The following RALGAPA1 variants were observed in gnomAD, a reference collection of about 807,000 sequenced individuals.
RALGAPA1 encodes ral GTPase-activating protein subunit alpha-1.
In RALGAPA1, 52 loss-of-function variants were observed where a neutral mutation model predicts 269.6. The observed-to-expected ratio is 0.19, with a 90% CI of 0.15 to 0.24. The LOEUF (loss-of-function observed/expected upper bound fraction) is 0.24, where lower values mean the gene tolerates loss of function less well. RALGAPA1 is among the 10% of genes least tolerant of loss of function. RALGAPA1 has a pLI of 1.00. For synonymous variants in RALGAPA1, 817 were observed against 1,008.3 expected, an observed-to-expected ratio of 0.81 and a Z score of 3.60; for missense variants, 1,917 against 3,013.9, an observed-to-expected ratio of 0.64 and a Z score of 8.52.
chr14:35,761,271 T>C (rs1159248514), intron 5 of RALGAPA1, among the ~76,000 whole-genome samples: 1 of 152,198 alleles, frequency 6.6e-6, no homozygotes, highest in Non-Finnish European at 1.5e-5. Context: ...AAGTTCCATT[T>C]ATAAAAATTA....
intron 36 of RALGAPA1, 70 bp downstream of exon 36, chr14:35,605,516 G>A (rs2059544976): frequency 4.2e-6 from 6 of 1,440,886 alleles, no homozygotes; most frequent in Non-Finnish European, 5.6e-6. Flanking sequence ...TCTATAATAA[G>A]CTAGGAAAAA....
chr14:35,698,118 C>G (rs2067042592), intron 17 of RALGAPA1, among the ~76,000 whole-genome samples: 1 of 152,062 alleles, frequency 6.6e-6, no homozygotes, highest in Non-Finnish European at 1.5e-5. Context: ...CCATCTAAAT[C>G]TTTAAATTTA....
At chr14:35,672,828 A>G (rs775299215) in intron 25 of RALGAPA1, 39 bp downstream of exon 25, 14 of 1,442,846 alleles carry the variant, frequency 9.7e-6, no homozygotes, top group Non-Finnish European at 9.2e-7. Context: ...ATAATATGAT[A>G]TAAACTACTT....
chr14:35,717,141 A>G (rs1242215990), intron 16 of RALGAPA1, among the ~76,000 whole-genome samples: 4 of 152,232 alleles, frequency 2.6e-5, no homozygotes, highest in African/African-American at 4.8e-5. Flanking sequence ...AGAAGAATAC[A>G]TAAGTATATT....
chr14:35,795,935 G>A (rs953690447), intron 1 of RALGAPA1, among the ~76,000 whole-genome samples: 10 of 151,826 alleles, frequency 6.6e-5, no homozygotes, highest in Non-Finnish European at 1.5e-4. Context: ...CTGAGACCCT[G>A]CCCCCAAAAA....
chr14:35,579,650 C>T (rs188451862), intron 37 of RALGAPA1, among the ~76,000 whole-genome samples: 12 of 151,296 alleles, frequency 7.9e-5, no homozygotes, highest in African/African-American at 2.9e-4. Flanking sequence ...CAATGAGAGG[C>T]CTCTGCTATC....
intron 17 of RALGAPA1, among the ~76,000 whole-genome samples, chr14:35,693,347 T>C (rs1170347259): frequency 1.3e-5 from 2 of 151,678 alleles, no homozygotes; most frequent in African/African-American, 4.8e-5. Flanking sequence ...AAGGAACCAA[T>C]AAAAAAACTT....
At chr14:35,632,744 C>G (rs969359994) in intron 33 of RALGAPA1, among the ~76,000 whole-genome samples, 1 of 152,134 alleles carries the variant, frequency 6.6e-6, no homozygotes, top group Non-Finnish European at 1.5e-5. Context: ...CAATAGTTCT[C>G]AAATCAGACT....
chr14:35,635,546 A>G lies in RALGAPA1; in HGVS notation c.5729T>C (p.Leu1910Pro). 1 of 1,608,338 alleles carries G rather than the reference A, an allele frequency of 6.2e-7. No individual in the cohort carries two copies. The highest frequency in any genetic ancestry group is 8.5e-7 in the Non-Finnish European group (1 of 1,177,328). The change falls in exon 32 of 42, where the codon CTA becomes CCA. Residue 1910 changes from leucine to proline, a missense_variant. By Grantham distance (98) the Leu-to-Pro change is moderately conservative (BLOSUM62 -3). Coordinates refer to ENST00000680220, the MANE Select transcript of RALGAPA1 (RefSeq NM_001346249.2). ...ATGAAATGGTTGGAGCAGTGTCTTT[A>G]GAGGTAAGGCCATGATCCAGTCCAG... ...CLLDWIMALP[L>P]KTLLQPFHAT...
intron 31 of RALGAPA1, among the ~76,000 whole-genome samples, chr14:35,644,477 C>A (rs1254517145): frequency 6.6e-6 from 1 of 152,074 alleles, no homozygotes; most frequent in East Asian, 1.9e-4. Context: ...TATAACCATA[C>A]TGAAGTGGGA....
chr14:35,802,232 T>C (rs1464739009), intron 1 of RALGAPA1, among the ~76,000 whole-genome samples: 11 of 152,098 alleles, frequency 7.2e-5, no homozygotes, highest in Non-Finnish European at 1.3e-4. Flanking sequence ...TGCTTGAACC[T>C]GGGAGGCGGA....
At chr14:35,603,135 T>C (rs960052775) in intron 36 of RALGAPA1, among the ~76,000 whole-genome samples, 7 of 152,158 alleles carry the variant, frequency 4.6e-5, no homozygotes, top group African/African-American at 1.7e-4. Flanking sequence ...CTATCTTCTT[T>C]TTCTTTTTCC....
intron 15 of RALGAPA1, among the ~76,000 whole-genome samples, chr14:35,722,564 A>C (rs1278482896): frequency 2.6e-5 from 4 of 151,798 alleles, no homozygotes; most frequent in Non-Finnish European, 5.9e-5. Flanking sequence ...GTGAGCCATG[A>C]CTGTGCTACT....
At chr14:35,767,063 T>C (rs554077263) in intron 4 of RALGAPA1, 2 of 331,556 alleles carry the variant, frequency 6.0e-6, no homozygotes, top group South Asian at 5.6e-5. Flanking sequence ...GGATGATTGT[T>C]CATCAATCCT....
At chr14:35,640,721 C>T (rs2061974092) in intron 31 of RALGAPA1, among the ~76,000 whole-genome samples, 1 of 152,070 alleles carries the variant, frequency 6.6e-6, no homozygotes, top group Non-Finnish European at 1.5e-5. Flanking sequence ...GAAGTATTTC[C>T]AAACTCATTC....
intron 33 of RALGAPA1, among the ~76,000 whole-genome samples, chr14:35,631,193 C>T (rs1037210847): frequency 1.3e-5 from 2 of 152,062 alleles, no homozygotes; most frequent in African/African-American, 2.4e-5. Flanking sequence ...CAAATGGGTT[C>T]GCAAAGTTAA....
At chr14:35,541,335 G>A (rs1026422903) in intron 41 of RALGAPA1, among the ~76,000 whole-genome samples, 2 of 151,950 alleles carry the variant, frequency 1.3e-5, no homozygotes, top group South Asian at 2.1e-4. Context: ...GTGAGCCACC[G>A]CACCCGGCCT....
chr14:35,659,143 A>G lies in RALGAPA1; in HGVS notation c.5382T>C (p.Pro1794=), dbSNP rs779854109. 12 of 1,608,088 alleles carry G rather than the reference A, an allele frequency of 7.5e-6. No individual in the cohort carries two copies. Among genetic ancestry groups the G allele is most frequent in the Non-Finnish European group, 1.0e-5 (12 of 1,176,810 alleles). ...LSSARDEPSG[P]ARCVALCSLG... is the part of the protein sequence containing the mutation. Reference sequence around the variant, plus strand: ...TCTAAGAATATCCGACCTACCGTGCAGGACCAGAGGGCTCATCTCTTGCCG... The same window carrying G: ...TCTAAGAATATCCGACCTACCGTGCGGGACCAGAGGGCTCATCTCTTGCCG... Residue 1794 remains proline, a synonymous_variant, in exon 28 of 42, where the codon CCT becomes CCC. Transcript: ENST00000680220.
At chr14:35,624,086 CAA>C (rs1186043079) in intron 35 of RALGAPA1, among the ~76,000 whole-genome samples, 2 of 45,702 alleles carry the variant, frequency 4.4e-5, no homozygotes, top group Non-Finnish European at 4.1e-5. Flanking sequence ...GACTCCATCT[CAA>C]AAAAAAAAAA....
Sources: gnomAD v4.1 joint callset for allele counts (sites outside exome capture counted in the v4.1 genomes callset) on GRCh38, gnomAD v4.1.1 for gene constraint, MANE v1.5 for transcripts, NCBI Gene and HGNC (gene_info 2026-07-23, HGNC 2026-07-21) for gene names.